C8orf34: variants seen among roughly 807,000 people sequenced by gnomAD.
C8orf34 encodes chromosome 8 open reading frame 34, also known as uncharacterized protein C8orf34.
In C8orf34, 65 loss-of-function variants were observed where a neutral mutation model predicts 68.3. That is an observed-to-expected ratio of 0.95 (90% CI 0.78 to 1.17). C8orf34 has a LOEUF of 1.17. Among genes scored for constraint, C8orf34 ranks in the 50% most tolerant of loss-of-function variants. The probability of loss-of-function intolerance (pLI) is 0.00; values close to 1 mark genes in which losing one functional copy is unlikely to be tolerated. For missense variants in C8orf34, 664 were observed against 655.4 expected, an observed-to-expected ratio of 1.01 and a Z score of -0.14; for synonymous variants, 244 against 241.2, an observed-to-expected ratio of 1.01 and a Z score of -0.11.
chr8:68,750,163 T>G (rs1326430651), intron 10 of C8orf34, among the ~76,000 whole-genome samples: 1 of 152,158 alleles, frequency 6.6e-6, no homozygotes, highest in Non-Finnish European at 1.5e-5. Flanking sequence ...AGGAAAAACC[T>G]TTACAAAACT....
intron 11 of C8orf34, among the ~76,000 whole-genome samples, chr8:68,780,837 C>T (rs186037124): frequency 1.2e-3 from 189 of 152,210 alleles, no homozygotes; most frequent in African/African-American, 4.3e-3. Flanking sequence ...AAGTTATTTA[C>T]AAACTTTACA....
intron 5 of C8orf34, among the ~76,000 whole-genome samples, chr8:68,501,794 T>A (rs963606712): frequency 1.3e-5 from 2 of 152,276 alleles, no homozygotes; most frequent in Admixed American, 1.3e-4. Flanking sequence ...CTGGGGAAAG[T>A]AAATAAACAT....
chr8:68,814,267 C>G (rs1824742321), intron 12 of C8orf34, among the ~76,000 whole-genome samples: 1 of 152,154 alleles, frequency 6.6e-6, no homozygotes, highest in Admixed American at 6.5e-5. Flanking sequence ...GAATCAGAAA[C>G]TCTGATGTTG....
At chr8:68,674,435 A>G (rs2130853731) in intron 8 of C8orf34, among the ~76,000 whole-genome samples, 2 of 152,302 alleles carry the variant, frequency 1.3e-5, no homozygotes, top group East Asian at 3.9e-4. Flanking sequence ...ACCCTATCAA[A>G]TAAATTTAAC....
chr8:68,663,804 G>A lies in C8orf34; in HGVS notation c.1241+23293G>A, dbSNP rs533969548. Among the ~76,000 whole-genome samples the A allele has an allele frequency of 3.9e-5, 6 of 152,168 alleles. No individual in the cohort carries two copies. In the East Asian group the frequency reaches 1.2e-3, roughly 29 times the overall value. On this transcript the variant is annotated intron_variant, in intron 8 of 13. Coordinates refer to ENST00000518698, the MANE Select transcript of C8orf34 (RefSeq NM_052958.4). ...ATGGTCCCTGACTTAAGATGGTTCA[G>A]CTTATGAGTTTCTGATTTTATGATT...
At chr8:68,452,174 G>A (rs1811372176) in intron 3 of C8orf34, among the ~76,000 whole-genome samples, 1 of 151,594 alleles carries the variant, frequency 6.6e-6, no homozygotes, top group Non-Finnish European at 1.5e-5. Context: ...ATATTGCTAT[G>A]AGTGTTCATA....
chr8:68,637,078 A>G (rs183911854), intron 7 of C8orf34, among the ~76,000 whole-genome samples: 25 of 152,312 alleles, frequency 1.6e-4, no homozygotes, highest in Admixed American at 1.6e-3. Context: ...CACTGATCCA[A>G]GTATAGCAAG....
chr8:68,781,202 C>T (rs2953949), intron 11 of C8orf34, among the ~76,000 whole-genome samples: 71,440 of 151,878 alleles, frequency 0.47, 19,481 homozygotes, highest in African/African-American at 0.76. Flanking sequence ...ACTTTCAGGG[C>T]CACATATGAT....
intron 8 of C8orf34, among the ~76,000 whole-genome samples, chr8:68,678,734 C>A (rs1820269388): frequency 6.6e-6 from 1 of 151,776 alleles, no homozygotes; most frequent in South Asian, 2.1e-4. Context: ...TACTGGAAGT[C>A]CTAGCTAGAG....
At chr8:68,378,046 C>T (rs564255027) in intron 1 of C8orf34, among the ~76,000 whole-genome samples, 1 of 152,052 alleles carries the variant, frequency 6.6e-6, no homozygotes, top group Admixed American at 6.6e-5. Context: ...CTGGTCCCAC[C>T]CTCGACATGG....
At chr8:68,554,686 A>C (rs940361436) in intron 7 of C8orf34, among the ~76,000 whole-genome samples, 1 of 150,022 alleles carries the variant, frequency 6.7e-6, no homozygotes, top group Non-Finnish European at 1.5e-5. Context: ...ATAACCCTAT[A>C]GTGTGATTGA....
At chr8:68,625,944 A>AT (rs567444482) in intron 7 of C8orf34, among the ~76,000 whole-genome samples, 11 of 152,144 alleles carry the variant, frequency 7.2e-5, no homozygotes, top group Non-Finnish European at 1.0e-4. Flanking sequence ...GTAATGATAT[A>AT]TTTTTTACTT....
intron 10 of C8orf34, among the ~76,000 whole-genome samples, chr8:68,755,167 C>A (rs1457742724): frequency 6.6e-6 from 1 of 152,124 alleles, no homozygotes; most frequent in African/African-American, 2.4e-5. Flanking sequence ...TGTATAAGAT[C>A]TTTCTAGAAG....
At chr8:68,563,671 A>G (rs369594679) in intron 7 of C8orf34, among the ~76,000 whole-genome samples, 2 of 151,874 alleles carry the variant, frequency 1.3e-5, no homozygotes, top group Non-Finnish European at 2.9e-5. Context: ...AAAAAAAAAG[A>G]CATGAACTCC....
intron 4 of C8orf34, among the ~76,000 whole-genome samples, chr8:68,470,449 C>T (rs1348678464): frequency 6.6e-6 from 1 of 151,920 alleles, no homozygotes. Flanking sequence ...GCTGTGTTCC[C>T]CCAAATTTTT....
chr8:68,497,026 T>C (rs1294821120), intron 5 of C8orf34, among the ~76,000 whole-genome samples: 2 of 152,222 alleles, frequency 1.3e-5, no homozygotes, highest in Non-Finnish European at 2.9e-5. Context: ...TCTCTCAGCA[T>C]GGTTGTGGTC....
chr8:68,554,429 A>G (rs1038691770), intron 7 of C8orf34, among the ~76,000 whole-genome samples: 1 of 152,170 alleles, frequency 6.6e-6, no homozygotes, highest in Non-Finnish European at 1.5e-5. Context: ...ACAGAGAATC[A>G]TATTTGATTA....
intron 7 of C8orf34, among the ~76,000 whole-genome samples, chr8:68,633,623 C>T (rs145044924): frequency 1.3e-3 from 200 of 152,138 alleles, no homozygotes; most frequent in African/African-American, 4.6e-3. Flanking sequence ...TCCAGCTTAC[C>T]AAATTTCTTC....
intron 6 of C8orf34, among the ~76,000 whole-genome samples, chr8:68,528,954 C>T (rs1045807850): frequency 9.2e-5 from 14 of 152,170 alleles, no homozygotes; most frequent in African/African-American, 2.9e-4. Context: ...ACTCATGCTC[C>T]GCCTAGGGCA....
Sources: allele counts gnomAD v4.1 joint callset (sites outside exome capture counted in the v4.1 genomes callset), GRCh38; gene constraint gnomAD v4.1.1; transcripts MANE v1.5; gene names NCBI Gene and HGNC (gene_info 2026-07-23, HGNC 2026-07-21).